Variants in EYA4 observed in about 807,000 individuals in gnomAD.
EYA4 encodes EYA transcriptional coactivator and phosphatase 4.
In EYA4, 31 loss-of-function variants were observed where a neutral mutation model predicts 87.9. The observed-to-expected ratio is 0.35, with a 90% confidence interval of 0.27 to 0.48. EYA4 has a LOEUF of 0.48. Ranked by LOEUF, EYA4 falls within the 20% of genes least tolerant of loss-of-function variation. The probability of loss-of-function intolerance (pLI) is 0.99; values close to 1 mark genes in which losing one functional copy is unlikely to be tolerated. For synonymous variants in EYA4, 263 were observed against 270.6 expected, an observed-to-expected ratio of 0.97 and a Z score of 0.28; for missense variants, 678 against 761.4, an observed-to-expected ratio of 0.89 and a Z score of 1.29.
In EYA4 at chr6:133,282,469, T is replaced by TTATGAAGA. The variant is rs1399369389; in HGVS notation, c.33+7658_33+7665dup. Among the ~76,000 whole-genome samples, 14 of 152,348 alleles carry TTATGAAGA rather than the reference T, an allele frequency of 9.2e-5. 1 individual carries two copies. Among genetic ancestry groups the TTATGAAGA allele is most frequent in the Admixed American group, 3.9e-4 (6 of 15,298 alleles). ...TGAATTTTTATATTTTTGTGTGAGT[T>TTATGAAGA]TATGAAGATTCAGCACAAGATTTCA... On this transcript the variant is annotated intron_variant, in intron 2 of 19. Coordinates refer to ENST00000355286, the MANE Select transcript of EYA4 (RefSeq NM_004100.5).
chr6:133,281,403 A>G (rs1471141535), intron 2 of EYA4, among the ~76,000 whole-genome samples: 1 of 152,168 alleles, frequency 6.6e-6, no homozygotes, highest in Non-Finnish European at 1.5e-5. Flanking sequence ...ATTTACTCCT[A>G]TGATTTCATT....
intron 3 of EYA4, among the ~76,000 whole-genome samples, chr6:133,394,854 T>G (rs1787650766): frequency 6.6e-6 from 1 of 152,210 alleles, no homozygotes; most frequent in African/African-American, 2.4e-5. Flanking sequence ...ATGAGATATT[T>G]TGGCATGAAC....
intron 13 of EYA4, among the ~76,000 whole-genome samples, chr6:133,497,539 T>G (rs1231890957): frequency 3.3e-5 from 5 of 152,042 alleles, no homozygotes; most frequent in Non-Finnish European, 1.5e-5. Context: ...GGTGATGGGT[T>G]TTGCAGCTGA....
chr6:133,386,808 A>G (rs571407003), intron 3 of EYA4, among the ~76,000 whole-genome samples: 1 of 152,156 alleles, frequency 6.6e-6, no homozygotes, highest in Admixed American at 6.5e-5. Flanking sequence ...AGAATCTTAA[A>G]ATATAGGAAG....
chr6:133,350,358 A>G (rs892123955), intron 2 of EYA4, among the ~76,000 whole-genome samples: 1 of 152,136 alleles, frequency 6.6e-6, no homozygotes, highest in African/African-American at 2.4e-5. Context: ...ACCTAAGTGC[A>G]ATAAGTACAT....
At chr6:133,306,731 TTAAA>T (rs1779839368) in intron 2 of EYA4, among the ~76,000 whole-genome samples, 1 of 152,216 alleles carries the variant, frequency 6.6e-6, no homozygotes, top group Admixed American at 6.5e-5. Flanking sequence ...GTAGCCATAT[TTAAA>T]TAGTTATTTC....
chr6:133,487,772 G>A lies in EYA4; in HGVS notation c.1191+4657G>A, dbSNP rs141641984. ...CAGGCCTTGGGTGAGACTCAGAGAT[G>A]TGCTGGCTTTAGGTGTGACCCAGCA... On this transcript the variant is annotated intron_variant, in intron 13 of 19. Coordinates refer to ENST00000355286, the MANE Select transcript of EYA4 (RefSeq NM_004100.5). Among the ~76,000 whole-genome samples the A allele has an allele frequency of 3.1e-3, 473 of 152,324 alleles. 1 individual carries two copies. Among genetic ancestry groups the A allele is most frequent in the African/African-American group, 9.4e-3 (391 of 41,582 alleles).
intron 3 of EYA4, among the ~76,000 whole-genome samples, chr6:133,403,869 G>A (rs1257062505): frequency 6.6e-6 from 1 of 151,972 alleles, no homozygotes; most frequent in East Asian, 1.9e-4. Flanking sequence ...GGAGTGCAAT[G>A]GCATGATTTT....
At chr6:133,451,545 CT>C (rs765683541) in intron 5 of EYA4, among the ~76,000 whole-genome samples, 7 of 152,178 alleles carry the variant, frequency 4.6e-5, no homozygotes, top group Non-Finnish European at 1.0e-4. Context: ...TAAATTTTCA[CT>C]TTCTCACTTA....
intron 13 of EYA4, among the ~76,000 whole-genome samples, chr6:133,486,401 C>T (rs972513786): frequency 1.3e-5 from 2 of 152,094 alleles, no homozygotes; most frequent in African/African-American, 4.8e-5. Flanking sequence ...ACAGAGATGA[C>T]GTTGGGTAGC....
chr6:133,446,531 T>G, intron 3 of EYA4, 99 bp from the exon 4 acceptor site: 7 of 1,367,742 alleles, frequency 5.1e-6, no homozygotes, highest in Non-Finnish European at 7.3e-6. Context: ...GTTTTAATTA[T>G]TACTGTGAGA....
chr6:133,339,255 C>T (rs1483444831), intron 2 of EYA4, among the ~76,000 whole-genome samples: 1 of 152,166 alleles, frequency 6.6e-6, no homozygotes, highest in African/African-American at 2.4e-5. Context: ...ATTTGGTTAG[C>T]ATCTCTGAAG....
chr6:133,456,499 A>C, intron 5 of EYA4, 57 bp from the exon 6 acceptor site: 1 of 1,174,782 alleles, frequency 8.5e-7, no homozygotes, highest in Non-Finnish European at 1.3e-6. Context: ...TAGAACGGAC[A>C]GAGTCTTTGA....
At chr6:133,271,703 TCCATGTTGCTGAGC>T (rs987720799) in intron 1 of EYA4, among the ~76,000 whole-genome samples, 7 of 152,164 alleles carry the variant, frequency 4.6e-5, no homozygotes, top group Non-Finnish European at 8.8e-5. Flanking sequence ...AGGATGGAAG[TCCATGTTGCTGAGC>T]CCATGTGTAA....
intron 3 of EYA4, among the ~76,000 whole-genome samples, chr6:133,444,601 G>C (rs113136875): frequency 0.022 from 3,397 of 152,224 alleles, 116 homozygotes; most frequent in African/African-American, 0.078. Context: ...CCTAGACTAT[G>C]GTGACCCTTA....
At chr6:133,372,678 A>G (rs905285202) in intron 2 of EYA4, among the ~76,000 whole-genome samples, 2 of 151,758 alleles carry the variant, frequency 1.3e-5, no homozygotes, top group Non-Finnish European at 2.9e-5. Flanking sequence ...GAAGATCAAG[A>G]AGATAAAATC....
chr6:133,413,595 C>G (rs556948531), intron 3 of EYA4, among the ~76,000 whole-genome samples: 1 of 151,984 alleles, frequency 6.6e-6, no homozygotes, highest in African/African-American at 2.4e-5. Context: ...TGTATATGTT[C>G]CTCTTTTATG....
intron 2 of EYA4, among the ~76,000 whole-genome samples, chr6:133,371,307 A>T (rs1785247664): frequency 6.6e-6 from 1 of 152,144 alleles, no homozygotes; most frequent in Admixed American, 6.6e-5. Flanking sequence ...CCAGCCAATA[A>T]GTTTTCCCGT....
intron 3 of EYA4, among the ~76,000 whole-genome samples, chr6:133,401,936 G>A (rs996310418): frequency 6.6e-6 from 1 of 152,102 alleles, no homozygotes; most frequent in African/African-American, 2.4e-5. Context: ...AAAGATGATA[G>A]CAACAGTGCC....
Sources: allele counts gnomAD v4.1 joint callset (sites outside exome capture counted in the v4.1 genomes callset), GRCh38; gene constraint gnomAD v4.1.1; transcripts MANE v1.5; gene names NCBI Gene and HGNC (gene_info 2026-07-23, HGNC 2026-07-21).